The following UBQLN1 variants were observed in gnomAD, a reference collection of about 807,000 sequenced individuals.
The protein encoded by UBQLN1 is ubiquilin-1.
A neutral mutation model predicts 65.4 loss-of-function variants in UBQLN1; 13 were observed. That is an observed-to-expected ratio of 0.20 (90% CI 0.13 to 0.32). The LOEUF (loss-of-function observed/expected upper bound fraction) is 0.32. Ranked by LOEUF, UBQLN1 falls within the 10% of genes least tolerant of loss-of-function variation. The pLI, the probability that UBQLN1 is intolerant of heterozygous loss-of-function variation, is 1.00. For missense variants in UBQLN1, 561 were observed against 724.0 expected (o/e 0.77, Z 2.58); for synonymous variants, 267 against 247.8 (o/e 1.08, Z -0.73).
chr9:83,685,909 T>C, intron 2 of UBQLN1, 95 bp downstream of exon 2: 2 of 1,120,132 alleles, frequency 1.8e-6, no homozygotes, highest in South Asian at 1.6e-5. Flanking sequence ...TAAATATTAA[T>C]GACAGGGAAA....
At chr9:83,663,543 A>G (rs1313262042) in intron 10 of UBQLN1, among the ~76,000 whole-genome samples, 1 of 152,196 alleles carries the variant, frequency 6.6e-6, no homozygotes, top group African/African-American at 2.4e-5. Flanking sequence ...TTCCTCCCTA[A>G]GAACTTTTTT....
intron 1 of UBQLN1, among the ~76,000 whole-genome samples, chr9:83,704,053 TTGTC>T (rs1646470037): frequency 6.6e-6 from 1 of 152,182 alleles, no homozygotes; most frequent in Admixed American, 6.5e-5. Flanking sequence ...AAAACGGAAT[TTGTC>T]TGATACAGAG....
chr9:83,686,013 GTTT>G lies in UBQLN1; in HGVS notation c.320_322del (p.Lys107del). 1 of 1,604,552 alleles carries G rather than the reference GTTT, an allele frequency of 6.2e-7. No homozygotes were observed. Among genetic ancestry groups the G allele is most frequent in the Non-Finnish European group, 8.5e-7 (1 of 1,176,688 alleles). On this transcript the variant is annotated inframe_deletion, in exon 2 of 11. Coordinates refer to ENST00000376395, the MANE Select transcript of UBQLN1 (RefSeq NM_013438.5). Reference sequence around the variant, plus strand: ...TCTTCCAAAACCATACCTGTTTTGTGTTTTAATGACAAGGTGAACAGTAAGTCC... The same window carrying G: ...TCTTCCAAAACCATACCTGTTTTGTGTAATGACAAGGTGAACAGTAAGTCC...
intron 6 of UBQLN1, among the ~76,000 whole-genome samples, chr9:83,674,227 C>T (rs1005878944): frequency 2.7e-5 from 4 of 147,948 alleles, no homozygotes; most frequent in African/African-American, 1.0e-4. Context: ...CATGCCAGAA[C>T]AAGAAAAAAG....
At chr9:83,699,345 GTTT>G (rs1430252654) in intron 1 of UBQLN1, among the ~76,000 whole-genome samples, 1 of 152,144 alleles carries the variant, frequency 6.6e-6, no homozygotes, top group Non-Finnish European at 1.5e-5. Context: ...GGCTCATACT[GTTT>G]TTTGTTTTTA....
chr9:83,678,991 G>A (rs1479044511), intron 4 of UBQLN1, among the ~76,000 whole-genome samples: 5 of 152,138 alleles, frequency 3.3e-5, no homozygotes, highest in African/African-American at 1.2e-4. Flanking sequence ...AAAGTGCTGG[G>A]ATTACAAGCG....
chr9:83,671,926 T>C (rs751096134), intron 6 of UBQLN1, among the ~76,000 whole-genome samples: 1 of 152,250 alleles, frequency 6.6e-6, no homozygotes, highest in Non-Finnish European at 1.5e-5. Context: ...GGTTGTTTCA[T>C]GTGGCCACGT....
chr9:83,666,050 A>C (rs1449010317), intron 8 of UBQLN1, among the ~76,000 whole-genome samples: 1 of 152,230 alleles, frequency 6.6e-6, no homozygotes, highest in Non-Finnish European at 1.5e-5. Flanking sequence ...AAGCACTTCA[A>C]AGTTAGTACA....
chr9:83,697,074 C>G (rs1178583372), intron 1 of UBQLN1, among the ~76,000 whole-genome samples: 4 of 152,058 alleles, frequency 2.6e-5, no homozygotes, highest in Non-Finnish European at 1.5e-5. Flanking sequence ...CCACACCTAG[C>G]TATTCAATGA....
chr9:83,678,624 G>GA lies in UBQLN1; in HGVS notation c.712-26dup, dbSNP rs371018804. On this transcript the variant is annotated intron_variant, in intron 4 of 10. Transcript: ENST00000376395. ...TCTACGAAAAATATTTCCAAAAAAA[G>GA]AAAAAAAAAAGGCATTGAAATACAC... 8,571 of 1,361,534 alleles carry GA rather than the reference G, an allele frequency of 6.3e-3. 1 individual carries two copies. The highest frequency in any genetic ancestry group is 0.011 in the South Asian group (746 of 69,318). The allele number at this position is 1,361,534 out of a possible 1,614,324, so 84.3% of individuals were successfully genotyped here.
At chr9:83,699,037 T>C (rs1191940837) in intron 1 of UBQLN1, among the ~76,000 whole-genome samples, 1 of 151,954 alleles carries the variant, frequency 6.6e-6, no homozygotes, top group Non-Finnish European at 1.5e-5. Flanking sequence ...TTATATGAAA[T>C]ACCTAGAGTA....
chr9:83,674,243 A>T (rs1831790157), intron 6 of UBQLN1, among the ~76,000 whole-genome samples: 1 of 152,142 alleles, frequency 6.6e-6, no homozygotes, highest in Non-Finnish European at 1.5e-5. Flanking sequence ...AAAAGGAAGA[A>T]GGAGAGTTAC....
intron 1 of UBQLN1, among the ~76,000 whole-genome samples, chr9:83,691,254 G>C (rs1392264280): frequency 6.6e-6 from 1 of 152,066 alleles, no homozygotes; most frequent in Non-Finnish European, 1.5e-5. Context: ...ATGGAATGAA[G>C]AGAACTTAGT....
chr9:83,674,106 C>T (rs1034202761), intron 6 of UBQLN1, among the ~76,000 whole-genome samples: 1 of 152,012 alleles, frequency 6.6e-6, no homozygotes, highest in Admixed American at 6.6e-5. Flanking sequence ...ACCTGGCCTC[C>T]TTCGTACTGT....
chr9:83,673,753 G>GTGAGTACT (rs1386941868), intron 6 of UBQLN1, among the ~76,000 whole-genome samples: 1 of 152,078 alleles, frequency 6.6e-6, no homozygotes, highest in Non-Finnish European at 1.5e-5. Context: ...TACAAAAGCA[G>GTGAGTACT]TGAGTACTTG....
chr9:83,677,705 G>C, intron 6 of UBQLN1, 22 bp downstream of exon 6: 2 of 1,565,482 alleles, frequency 1.3e-6, no homozygotes, highest in Middle Eastern at 1.7e-4. Context: ...AAAGAAAAAA[G>C]CCTGAGTTGT....
intron 3 of UBQLN1, among the ~76,000 whole-genome samples, chr9:83,682,483 A>G (rs1239280972): frequency 7.6e-6 from 1 of 131,094 alleles, no homozygotes; most frequent in South Asian, 2.5e-4. Flanking sequence ...TGCCTCTCTT[A>G]AAAAAACAAA....
At chr9:83,678,641 G>GA (rs770543416) in intron 4 of UBQLN1, 42 bp from the exon 5 acceptor site, 3 of 1,561,372 alleles carry the variant, frequency 1.9e-6, no homozygotes, top group Non-Finnish European at 1.7e-6. Flanking sequence ...AAAAGGCATT[G>GA]AAATACACAT....
At chr9:83,699,171 G>T (rs1435229277) in intron 1 of UBQLN1, among the ~76,000 whole-genome samples, 1 of 152,158 alleles carries the variant, frequency 6.6e-6, no homozygotes, top group Non-Finnish European at 1.5e-5. Flanking sequence ...GAAACGGATG[G>T]TGGTAACAAT....
Sources: gnomAD v4.1 joint callset for allele counts (sites outside exome capture counted in the v4.1 genomes callset) on GRCh38, gnomAD v4.1.1 for gene constraint, MANE v1.5 for transcripts, NCBI Gene and HGNC (gene_info 2026-07-23, HGNC 2026-07-21) for gene names.